NCS1: variants seen among roughly 807,000 people sequenced by gnomAD.
NCS1 encodes the protein neuronal calcium sensor 1.
NCS1 carries 6 observed loss-of-function variants against 28.4 expected under a neutral mutation model. The ratio of observed to expected loss-of-function variants is 0.21; its 90% CI spans 0.12 to 0.42. The LOEUF (loss-of-function observed/expected upper bound fraction) is 0.42. Ranked by LOEUF, NCS1 falls within the 10% of genes least tolerant of loss-of-function variation. The pLI, the probability that NCS1 is intolerant of heterozygous loss-of-function variation, is 1.00. For synonymous variants in NCS1, 86 were observed against 99.3 expected, an observed-to-expected ratio of 0.87 and a Z score of 0.79; for missense variants, 131 against 241.4, an observed-to-expected ratio of 0.54 and a Z score of 3.03.
In NCS1 at chr9:130,177,723, A is replaced by G. The variant is rs886252186; in HGVS notation, c.64+4996A>G. Among the ~76,000 whole-genome samples, 7 of 152,226 alleles carry G rather than the reference A, an allele frequency of 4.6e-5. No homozygotes were observed. The highest frequency in any genetic ancestry group is 7.3e-5 in the Non-Finnish European group (5 of 68,042). On this transcript the variant is annotated intron_variant, in intron 1 of 7. Coordinates refer to ENST00000372398, the MANE Select transcript of NCS1 (RefSeq NM_014286.4). The surrounding 1 kb of genome is among the most constrained non-coding windows in gnomAD (Gnocchi z 4.4). ...GGGAAGTCCCTTGGCCTCTCTGAGC[A>G]CCAGCTTGCTCATCCTTCAGACCTG... is the stretch of plus-strand genomic sequence containing the variant.
intron 1 of NCS1, 95 bp from the exon 2 acceptor site, chr9:130,200,863 G>A: frequency 2.6e-6 from 4 of 1,541,196 alleles, no homozygotes; most frequent in Non-Finnish European, 3.6e-6. Context: ...CGTGGGGAGG[G>A]GAGGGCTGGA....
At chr9:130,176,994 C>T (rs1435726619) in intron 1 of NCS1, among the ~76,000 whole-genome samples, 1 of 152,192 alleles carries the variant, frequency 6.6e-6, no homozygotes, top group Non-Finnish European at 1.5e-5. Context: ...TCCCAGGGAC[C>T]CTCGGTCTGG....
intron 1 of NCS1, among the ~76,000 whole-genome samples, chr9:130,182,103 T>C (rs1342635782): frequency 3.9e-5 from 6 of 151,920 alleles, no homozygotes; most frequent in Non-Finnish European, 5.9e-5. Flanking sequence ...CAGTGGGCAC[T>C]CGGGACCAGG....
chr9:130,191,883 G>A lies in NCS1; in HGVS notation c.65-9075G>A, dbSNP rs2131127464. ...GGACCAGTCCTGGCTGGCACTCAGC[G>A]AACTGGGGTGGAGACAGTGACTGCC... On this transcript the variant is annotated intron_variant, in intron 1 of 7. Coordinates refer to ENST00000372398, the MANE Select transcript of NCS1 (RefSeq NM_014286.4). This position sits in a 1 kb window ranked among gnomAD's most constrained non-coding sequence, Gnocchi z 6.4. Among the ~76,000 whole-genome samples the A allele has an allele frequency of 6.6e-6, 1 of 152,336 alleles. No homozygotes were observed. The highest frequency in any genetic ancestry group is 2.4e-5 in the African/African-American group (1 of 41,588).
chr9:130,220,485 G>C (rs1833262717), intron 4 of NCS1, among the ~76,000 whole-genome samples: 1 of 152,108 alleles, frequency 6.6e-6, no homozygotes, highest in African/African-American at 2.4e-5. Flanking sequence ...GGGGATGAGA[G>C]GAGCTGGGGA....
chr9:130,200,855 T>TGGGGA, intron 1 of NCS1, 103 bp from the exon 2 acceptor site: 2 of 1,524,536 alleles, frequency 1.3e-6, no homozygotes, highest in Non-Finnish European at 1.8e-6. Context: ...GACATGGCCG[T>TGGGGA]GGGGAGGGGA....
At chr9:130,216,042 C>T (rs575300033) in intron 2 of NCS1, among the ~76,000 whole-genome samples, 33 of 152,196 alleles carry the variant, frequency 2.2e-4, no homozygotes, top group Non-Finnish European at 4.3e-4. Flanking sequence ...GCAGAATTTT[C>T]AGGGTGCCAC....
chr9:130,214,172 C>G (rs1833152884), intron 2 of NCS1, among the ~76,000 whole-genome samples: 2 of 152,208 alleles, frequency 1.3e-5, no homozygotes, highest in Non-Finnish European at 2.9e-5. Flanking sequence ...TAGCGTGGTA[C>G]AGGCTCTGCT....
Position 130,226,347 on chromosome 9 carries a change from C to G in NCS1, c.475-42C>G, listed in dbSNP as rs1833415111. 6.4e-7 allele frequency: 1 copy of G among 1,552,070 alleles called. No individual in the cohort carries two copies. The highest frequency in any genetic ancestry group is 8.9e-7 in the Non-Finnish European group (1 of 1,125,148). On this transcript the variant is annotated intron_variant, in intron 6 of 7. Coordinates refer to ENST00000372398, the MANE Select transcript of NCS1 (RefSeq NM_014286.4). The surrounding 1 kb of genome is among the most constrained non-coding windows in gnomAD (Gnocchi z 4.8). ...GGCTGGGCTTGTCTAGAGCCCTCTCCTGGGAGGCCCTGCACCCTCAGCCGC... is the reference window on the plus strand; with the variant it reads ...GGCTGGGCTTGTCTAGAGCCCTCTCGTGGGAGGCCCTGCACCCTCAGCCGC...
intron 2 of NCS1, among the ~76,000 whole-genome samples, chr9:130,202,449 G>C (rs1376243583): frequency 6.7e-6 from 1 of 148,616 alleles, no homozygotes; most frequent in African/African-American, 2.5e-5. Context: ...TAAGCATTTT[G>C]TCCCTCTCTG....
At position 130,222,350 on chromosome 9, in the gene NCS1, G is replaced by C. The variant is rs143937081; in HGVS notation, c.308-300G>C. Among the ~76,000 whole-genome samples the C allele has an allele frequency of 5.3e-3, 807 of 151,684 alleles. 9 individuals are homozygous for C. Among genetic ancestry groups the C allele is most frequent in the East Asian group, 0.038 (193 of 5,140 alleles). On this transcript the variant is annotated intron_variant, in intron 4 of 7. Coordinates refer to ENST00000372398, the MANE Select transcript of NCS1 (RefSeq NM_014286.4). ...TGTATTTTTGTAGAGACGGGGTTTT[G>C]CCATGTTGTCCAGGCTGGTCTCGAA...
chr9:130,179,220 G>C (rs1159792343), intron 1 of NCS1, among the ~76,000 whole-genome samples: 1 of 151,690 alleles, frequency 6.6e-6, no homozygotes, highest in Non-Finnish European at 1.5e-5. Flanking sequence ...GGCATGAGCC[G>C]CTGTCCCTGG....
intron 6 of NCS1, 100 bp downstream of exon 6, chr9:130,223,259 TC>T (rs1833364909): frequency 9.0e-7 from 1 of 1,105,814 alleles, no homozygotes; most frequent in Non-Finnish European, 1.3e-6. Context: ...GCTGCCAACC[TC>T]CTCCATGGCT....
At chr9:130,220,947 C>T (rs1214936131) in intron 4 of NCS1, among the ~76,000 whole-genome samples, 3 of 151,984 alleles carry the variant, frequency 2.0e-5, no homozygotes, top group African/African-American at 7.2e-5. Context: ...ACATCCCAGG[C>T]CCCGGGCTCT....
In NCS1 at chr9:130,219,892, G is replaced by A. The variant is rs1438119971; in HGVS notation, c.307+89G>A. The A allele has an allele frequency of 3.7e-6, 5 of 1,353,308 alleles. No individual in the cohort carries two copies. The Admixed American group carries it at 5.2e-5, about 14-fold the overall frequency. 83.8% of individuals were successfully genotyped at this position (1,353,308 alleles called of 1,614,324 possible). ...CCCTCGGCCCTCACCAGGCAGGGGT[G>A]CCAGACACCCACTGCAGTGACCACA... is the stretch of plus-strand genomic sequence containing the variant. On this transcript the variant is annotated intron_variant, in intron 4 of 7. Transcript: ENST00000372398. This position sits in a 1 kb window ranked among gnomAD's most constrained non-coding sequence, Gnocchi z 5.7.
intron 1 of NCS1, among the ~76,000 whole-genome samples, chr9:130,176,198 T>C (rs373429563): frequency 3.4e-3 from 192 of 57,036 alleles, no homozygotes; most frequent in Middle Eastern, 0.012. Context: ...TTCTTTCTTT[T>C]TTTTTTTTTT....
chr9:130,218,747 C>A (rs1554909761), intron 3 of NCS1, among the ~76,000 whole-genome samples: 4 of 152,118 alleles, frequency 2.6e-5, no homozygotes. Context: ...GCCGTCACCA[C>A]ACCTGGCTAA....
In NCS1 at chr9:130,181,661, G is replaced by T. The variant is rs1554905152; in HGVS notation, c.64+8934G>T. Among the ~76,000 whole-genome samples the T allele has an allele frequency of 6.6e-6, 1 of 152,178 alleles. No homozygotes were observed. Among genetic ancestry groups the T allele is most frequent in the Non-Finnish European group, 1.5e-5 (1 of 68,026 alleles). ...CTGAAGCCCTGGGCCGCGGTGAGGG[G>T]CCCCTGCTTGGTGGAGGTGCCAGGG... is the stretch of plus-strand genomic sequence containing the variant. On this transcript the variant is annotated intron_variant, in intron 1 of 7. Coordinates refer to ENST00000372398, the MANE Select transcript of NCS1 (RefSeq NM_014286.4). This position sits in a 1 kb window ranked among gnomAD's most constrained non-coding sequence, Gnocchi z 5.0.
chr9:130,232,904 C>T lies in NCS1; in HGVS notation c.*18-86C>T, dbSNP rs1232482811. ...CCATCTATCGACCTTCCTGCCAGCT[C>T]TCTGTGCCTATCCTCCGTGGCCAGA... On this transcript the variant is annotated intron_variant, in intron 7 of 7. Transcript: ENST00000372398. This position sits in a 1 kb window ranked among gnomAD's most constrained non-coding sequence, Gnocchi z 4.4. 1.3e-5 allele frequency: 2 copies of T among 152,790 alleles called. No homozygotes were observed. The highest frequency in any genetic ancestry group is 4.8e-5 in the African/African-American group (2 of 41,470). The allele number at this position is 152,790 out of a possible 1,614,324, so 9.5% of individuals were successfully genotyped here.
Sources: allele counts gnomAD v4.1 joint callset (sites outside exome capture counted in the v4.1 genomes callset), GRCh38; gene constraint gnomAD v4.1.1; non-coding constraint Gnocchi (gnomAD v3.1); transcripts MANE v1.5; gene names NCBI Gene and HGNC (gene_info 2026-07-23, HGNC 2026-07-21).